Variants in NIBAN3 observed in about 807,000 individuals in gnomAD.
The protein encoded by NIBAN3 is protein Niban 3.
A neutral mutation model predicts 76.4 loss-of-function variants in NIBAN3; 66 were observed. That is an observed-to-expected ratio of 0.86 (90% CI 0.71 to 1.06). NIBAN3 has a LOEUF of 1.06. Ranked by LOEUF, NIBAN3 falls within the 50% of genes least tolerant of loss-of-function variation. NIBAN3 has a pLI of 0.00. For missense variants in NIBAN3, 808 were observed against 810.7 expected (o/e 1.00, Z 0.04); for synonymous variants, 360 against 355.2 (o/e 1.01, Z -0.15).
At chr19:17,541,238 C>T (rs200618845) in intron 9 of NIBAN3, among the ~76,000 whole-genome samples, 38 of 7,000 alleles carry the variant, frequency 5.4e-3, no homozygotes, top group African/African-American at 0.011. Flanking sequence ...TATATACATA[C>T]ATACATACAT....
At chr19:17,523,418 A>T, upstream of NIBAN3, 1 of 1,557,970 alleles carries the variant, frequency 6.4e-7, no homozygotes, top group Non-Finnish European at 8.7e-7. Flanking sequence ...GGCCACTCAG[A>T]TGTGAGAGTG....
At chr19:17,541,184 C>G (rs1179742602) in intron 9 of NIBAN3, among the ~76,000 whole-genome samples, 2 of 152,256 alleles carry the variant, frequency 1.3e-5, no homozygotes, top group Admixed American at 6.6e-5. Context: ...CAGGTCACCT[C>G]AGTGCATCTG....
At position 17,553,306 on chromosome 19, in the gene NIBAN3, T is replaced by G. The variant is rs1484551449; in HGVS notation, c.*1408T>G. The G allele has an allele frequency of 2.5e-6, 4 of 1,611,866 alleles. No individual in the cohort carries two copies. The highest frequency in any genetic ancestry group is 3.4e-6 in the Non-Finnish European group (4 of 1,178,492). On this transcript the variant is annotated 3_prime_UTR_variant, in exon 15 of 15. Coordinates refer to ENST00000599164, the MANE Select transcript of NIBAN3 (RefSeq NM_001321827.2). Reference sequence around the variant, plus strand: ...CTTGCTGTGAGCCTTTTGGGTTTGTTTCCTAGCTCCAAATCTTAACTTGGT... The same window carrying G: ...CTTGCTGTGAGCCTTTTGGGTTTGTGTCCTAGCTCCAAATCTTAACTTGGT...
At position 17,539,431 on chromosome 19, in the gene NIBAN3, C is replaced by G. The variant is rs2075895691; in HGVS notation, c.796C>G (p.Arg266Gly). The change falls in exon 7 of 15, where the codon CGC (arginine) becomes GGC (glycine). Residue 266 changes from arginine to glycine, a missense_variant. By Grantham distance (125) the Arg-to-Gly change is moderately radical (BLOSUM62 -2). Coordinates refer to ENST00000599164, the MANE Select transcript of NIBAN3 (RefSeq NM_001321827.2). ...TGGCCTGCGGGGGGCAGGCCGCGCC[C>G]GCGCCTGGGCCTGGACCGAGGTATG... ...LPGLRGAGRA[R>G]AWAWTELLDA... 6.0e-6 allele frequency: 9 copies of G among 1,502,340 alleles called. No individual in the cohort carries two copies. Among genetic ancestry groups the G allele is most frequent in the Non-Finnish European group, 8.0e-6 (9 of 1,130,084 alleles). The allele number at this position is 1,502,340 out of a possible 1,614,324, so 93.1% of individuals were successfully genotyped here.
At chr19:17,549,398 A>G (rs1162470913) in intron 13 of NIBAN3, 46 bp from the exon 14 acceptor site, 2 of 1,389,208 alleles carry the variant, frequency 1.4e-6, no homozygotes, top group Admixed American at 1.9e-5. Flanking sequence ...AAGCCCCTTG[A>G]TGCCTGGGCT....
At position 17,542,618 on chromosome 19, in the gene NIBAN3, T is replaced by C. The variant is rs2075975933; in HGVS notation, c.1329+324T>C. Among the ~76,000 whole-genome samples, 1 of 152,146 alleles carries C rather than the reference T, an allele frequency of 6.6e-6. No homozygotes were observed. The highest frequency in any genetic ancestry group is 1.5e-5 in the Non-Finnish European group (1 of 68,028). On this transcript the variant is annotated intron_variant, in intron 10 of 14. Coordinates refer to ENST00000599164, the MANE Select transcript of NIBAN3 (RefSeq NM_001321827.2). This position sits in a 1 kb window ranked among gnomAD's most constrained non-coding sequence, Gnocchi z 4.8. The stretch of plus-strand genomic sequence containing the variant: ...GAGTGAATAGTGTTGAGAGTGCTTG[T>C]CTGCATTTGGGGAACGTGGAGCAAT...
rs533119969 is a variant in NIBAN3 at position 17,550,619 on chromosome 19, TTGCACCAC to T, written c.1750+1096_1750+1103del. ...GAGATGGGGTGGCATTGAACTATGA[TTGCACCAC>T]TGCCCTCTAGCCCGGGCCACAGAGA... On this transcript the variant is annotated intron_variant, in intron 14 of 14. Coordinates refer to ENST00000599164, the MANE Select transcript of NIBAN3 (RefSeq NM_001321827.2). 1.1e-3 allele frequency among the ~76,000 whole-genome samples: 175 copies of T among 152,178 alleles called. 1 individual carries two copies. Among genetic ancestry groups the T allele is most frequent in the South Asian group, 6.4e-3 (31 of 4,822 alleles).
chr19:17,525,352 T>TTCAC (rs2075594886), upstream of NIBAN3, among the ~76,000 whole-genome samples: 1 of 151,772 alleles, frequency 6.6e-6, no homozygotes, highest in African/African-American at 2.4e-5. Context: ...CATTCATTCA[T>TTCAC]TCATTCATTC....
intron 6 of NIBAN3, 25 bp from the exon 7 acceptor site, chr19:17,539,322 G>T: frequency 6.4e-7 from 1 of 1,552,104 alleles, no homozygotes; most frequent in Non-Finnish European, 8.7e-7. Context: ...GCCGACCGCG[G>T]CGCCCATGGC....
At position 17,546,729 on chromosome 19, in the gene NIBAN3, AG is replaced by A. The variant is rs1233920627; in HGVS notation, c.1600del (p.Ala534LeufsTer2). On this transcript the variant is annotated frameshift_variant, in exon 13 of 15. Transcript: ENST00000599164. LOFTEE classifies it high-confidence loss of function. ...FEGDVLAVGS[Q>X]ALTTEGIYED... is the part of the protein sequence containing the mutation. ...GGGGATGTCCTTGCCGTGGGCAGCCAGGCTCTGACCACTGAGGGCATCTATG... is the reference window on the plus strand; with the variant it reads ...GGGGATGTCCTTGCCGTGGGCAGCCAGCTCTGACCACTGAGGGCATCTATG... 1.2e-6 allele frequency: 2 copies of A among 1,604,176 alleles called. No homozygotes were observed. The highest frequency in any genetic ancestry group is 2.2e-5 in the South Asian group (2 of 88,902).
At position 17,549,477 on chromosome 19, in the gene NIBAN3, C is replaced by A. The variant is rs150586223; in HGVS notation, c.1700C>A (p.Ser567Tyr). The change falls in exon 14 of 15, where the codon TCC becomes TAC. Residue 567 changes from serine (S) to tyrosine (Y), a missense_variant. Transcript: ENST00000599164. ...LKKTLGANDV[S>Y]CTLDGCLEVP... ...AAGACCCTTGGTGCCAATGATGTAT[C>A]CTGCACTCTGGACGGCTGCTTGGAG... 2,637 of 1,613,954 alleles carry A rather than the reference C, an allele frequency of 1.6e-3. 4 individuals carry two copies. Among genetic ancestry groups the A allele is most frequent in the Admixed American group, 2.4e-3 (142 of 60,004 alleles).
chr19:17,533,639 C>A lies in NIBAN3; in HGVS notation c.365C>A (p.Thr122Lys). ...CLGSTALTGY[T>K]LLTSQREYLR... Reference sequence around the variant, plus strand: ...GGCTCAACAGCCCTGACAGGATACACGCTCCTGACTTCCCAGCGAGAATAT... The same window carrying A: ...GGCTCAACAGCCCTGACAGGATACAAGCTCCTGACTTCCCAGCGAGAATAT... Residue 122 changes from threonine to lysine, a missense_variant, in exon 4 of 15, where the codon ACG (threonine) becomes AAG (lysine). Transcript: ENST00000599164. 6.2e-7 allele frequency: 1 copy of A among 1,614,112 alleles called. No homozygotes were observed. The highest frequency in any genetic ancestry group is 8.5e-7 in the Non-Finnish European group (1 of 1,180,026).
chr19:17,533,025 C>A (rs951364569), intron 3 of NIBAN3, among the ~76,000 whole-genome samples: 20 of 152,108 alleles, frequency 1.3e-4, no homozygotes, highest in African/African-American at 4.8e-4. Context: ...ATAATCCCAG[C>A]CCTTTGGGAG....
chr19:17,550,226 C>T (rs899120269), intron 14 of NIBAN3, among the ~76,000 whole-genome samples: 1 of 152,176 alleles, frequency 6.6e-6, no homozygotes, highest in Non-Finnish European at 1.5e-5. Context: ...TTAGGTTTAC[C>T]ACCAGCAAGA....
chr19:17,536,634 G>A (rs1193199935), intron 4 of NIBAN3, among the ~76,000 whole-genome samples: 1 of 151,804 alleles, frequency 6.6e-6, no homozygotes, highest in Non-Finnish European at 1.5e-5. Context: ...GGAACTCCTG[G>A]GCCCAAGGGA....
chr19:17,540,523 A>G lies in NIBAN3; in HGVS notation c.1111A>G (p.Met371Val), dbSNP rs561223406. 1.3e-6 allele frequency: 2 copies of G among 1,588,280 alleles called. No individual in the cohort carries two copies. Among genetic ancestry groups the G allele is most frequent in the Middle Eastern group, 1.7e-4 (1 of 5,942 alleles). ...GGTGCGGACCCTCCTGGCTCAAGGC[A>G]TGGACCGACTGTCCCACCGCCTGCG... ...EAVRTLLAQG[M>V]DRLSHRLRQS... The change falls in exon 9 of 15, where the codon ATG (methionine) becomes GTG (valine). Residue 371 changes from methionine to valine, a missense_variant. Met to Val is a conservative substitution (Grantham distance 21). Coordinates refer to ENST00000599164, the MANE Select transcript of NIBAN3 (RefSeq NM_001321827.2).
At chr19:17,545,054 T>C (rs1213660952) in intron 12 of NIBAN3, among the ~76,000 whole-genome samples, 1 of 151,902 alleles carries the variant, frequency 6.6e-6, no homozygotes, top group Non-Finnish European at 1.5e-5. Context: ...TCCAAGCTAC[T>C]TGGGAGGCCG....
At position 17,543,579 on chromosome 19, in the gene NIBAN3, T is replaced by C. The variant is rs2144750133; in HGVS notation, c.1502T>C (p.Leu501Pro). ...AGGAGGTTCATCCGAGGCTGGGGTC[T>C]CTGCATCTTTTTACCTTTTGTGCTG... ...AQRRFIRGWG[L>P]CIFLPFVLSQ... is the part of the protein sequence containing the mutation. Residue 501 changes from leucine (L) to proline (P), a missense_variant, in exon 12 of 15, where the codon CTC becomes CCC. Physicochemically the swap from Leu to Pro is moderately conservative, Grantham distance 98 (BLOSUM62 -3). Coordinates refer to ENST00000599164, the MANE Select transcript of NIBAN3 (RefSeq NM_001321827.2). The C allele has an allele frequency of 1.2e-6, 2 of 1,614,178 alleles. No individual in the cohort carries two copies. Among genetic ancestry groups the C allele is most frequent in the East Asian group, 2.2e-5 (1 of 44,886 alleles).
At position 17,546,767 on chromosome 19, in the gene NIBAN3, C is replaced by T. The variant is rs747856592; in HGVS notation, c.1636C>T (p.Arg546Trp). 8.0e-5 allele frequency: 128 copies of T among 1,603,806 alleles called. No homozygotes were observed. The highest frequency in any genetic ancestry group is 9.8e-5 in the Non-Finnish European group (115 of 1,176,066). ...TGAGGGCATCTATGAGGACGTCATC[C>T]GGGGGTGCTTGCTGCAGAGGATTGA... ...TTEGIYEDVI[R>W]GCLLQRIDQE... The change falls in exon 13 of 15, where the codon CGG becomes TGG. Residue 546 changes from arginine to tryptophan, a missense_variant. Arg to Trp is a moderately radical substitution (Grantham distance 101). Transcript: ENST00000599164.
Sources: gnomAD v4.1 joint callset for allele counts (sites outside exome capture counted in the v4.1 genomes callset) on GRCh38, gnomAD v4.1.1 for gene constraint, Gnocchi (gnomAD v3.1) non-coding constraint, MANE v1.5 for transcripts, NCBI Gene and HGNC (gene_info 2026-07-23, HGNC 2026-07-21) for gene names.